Variants in EXOC4 observed in about 807,000 individuals in gnomAD.
EXOC4 encodes SEC8-like 1.
In EXOC4, 71 loss-of-function variants were observed where a neutral mutation model predicts 107.2. The ratio of observed to expected loss-of-function variants is 0.66; its 90% CI spans 0.55 to 0.81. The LOEUF (loss-of-function observed/expected upper bound fraction) is 0.81, where lower values mean the gene tolerates loss of function less well. Ranked by LOEUF, EXOC4 falls within the 30% of genes least tolerant of loss-of-function variation. EXOC4 has a pLI of 0.00. For synonymous variants in EXOC4, 456 were observed against 441.2 expected (o/e 1.03, Z -0.42); for missense variants, 1,108 against 1,189.6 (o/e 0.93, Z 1.01).
chr7:133,460,434 A>C (rs563201648), intron 7 of EXOC4, among the ~76,000 whole-genome samples: 3 of 152,348 alleles, frequency 2.0e-5, no homozygotes, highest in South Asian at 4.1e-4. Flanking sequence ...TTAAACCAGC[A>C]GTGCAGTTCA....
chr7:133,831,561 A>AT (rs55833548), intron 11 of EXOC4, among the ~76,000 whole-genome samples: 141,838 of 146,598 alleles, frequency 0.97, 68,625 homozygotes, highest in East Asian at 0.99. Context: ...CATCTTTGTG[A>AT]TTTTTTTTTT....
intron 11 of EXOC4, among the ~76,000 whole-genome samples, chr7:133,841,570 A>C (rs1253111208): frequency 6.6e-6 from 1 of 152,150 alleles, no homozygotes; most frequent in Admixed American, 6.5e-5. Flanking sequence ...CTCCTTCCTC[A>C]GATAGGTACA....
chr7:134,021,677 A>G lies in EXOC4; in HGVS notation c.2687+13842A>G, dbSNP rs184616002. On this transcript the variant is annotated intron_variant, in intron 17 of 17. Coordinates refer to ENST00000253861, the MANE Select transcript of EXOC4 (RefSeq NM_021807.4). The stretch of plus-strand genomic sequence containing the variant: ...CTACATGTTTAAATTCTTCCAAAGA[A>G]TTGTGCACCTTCTGTTTTTCTCAGT... Among the ~76,000 whole-genome samples the G allele has an allele frequency of 4.9e-3, 733 of 148,870 alleles. 6 individuals carry two copies. Among genetic ancestry groups the G allele is most frequent in the Non-Finnish European group, 5.7e-3 (383 of 67,290 alleles).
intron 9 of EXOC4, chr7:133,602,048 T>C (rs1438340604): frequency 6.6e-6 from 1 of 152,244 alleles, no homozygotes. Flanking sequence ...CTATATAACC[T>C]CAGTTGGGTG....
intron 17 of EXOC4, among the ~76,000 whole-genome samples, chr7:134,011,459 C>G (rs1222420117): frequency 1.3e-5 from 2 of 152,120 alleles, no homozygotes; most frequent in Non-Finnish European, 2.9e-5. Context: ...ACTTCCTGCT[C>G]TCCTCCTTCA....
chr7:133,752,015 T>TA (rs1446670388), intron 10 of EXOC4, among the ~76,000 whole-genome samples: 34 of 105,546 alleles, frequency 3.2e-4, no homozygotes, highest in Non-Finnish European at 6.1e-4. Flanking sequence ...ATAAATAAAT[T>TA]ATCTGGGCAC....
At chr7:133,855,079 C>CTAAATATATATATATA (rs1798325131) in intron 11 of EXOC4, among the ~76,000 whole-genome samples, 14 of 43,738 alleles carry the variant, frequency 3.2e-4, no homozygotes, top group African/African-American at 2.1e-3. Context: ...CTAAATATAT[C>CTAAATATATATATATA]TAAATATATA....
intron 7 of EXOC4, among the ~76,000 whole-genome samples, chr7:133,420,070 C>G (rs1290572314): frequency 6.8e-6 from 1 of 147,306 alleles, no homozygotes; most frequent in Non-Finnish European, 1.5e-5. Flanking sequence ...GCTGCACCCA[C>G]TAACTCGTCA....
At chr7:133,853,395 C>T (rs551755071) in intron 11 of EXOC4, among the ~76,000 whole-genome samples, 122 of 124,472 alleles carry the variant, frequency 9.8e-4, no homozygotes, top group African/African-American at 3.8e-3. Flanking sequence ...CACACACACA[C>T]ACAACTTTTT....
At chr7:133,926,832 A>T (rs1239960176) in intron 13 of EXOC4, among the ~76,000 whole-genome samples, 1 of 152,200 alleles carries the variant, frequency 6.6e-6, no homozygotes, top group African/African-American at 2.4e-5. Context: ...CTGGAGAATC[A>T]AATGAGTGGT....
At chr7:133,796,305 A>G (rs940678725) in intron 10 of EXOC4, among the ~76,000 whole-genome samples, 9 of 152,124 alleles carry the variant, frequency 5.9e-5, no homozygotes, top group Non-Finnish European at 8.8e-5. Flanking sequence ...GTGAATACCA[A>G]TCTGATATAC....
chr7:133,600,151 C>T lies in EXOC4; in HGVS notation c.1418-29894C>T, dbSNP rs373240183. ...TCCTGGCCTCAAGAAATCTGTTGGC[C>T]TTGGCCTCCCGAAGTGCTGAGATAA... On this transcript the variant is annotated intron_variant, in intron 9 of 17. Transcript: ENST00000253861. Among the ~76,000 whole-genome samples, 29 of 152,180 alleles carry T rather than the reference C, an allele frequency of 1.9e-4. 1 individual carries two copies. In the East Asian group the frequency reaches 4.1e-3, roughly 21 times the overall value.
intron 17 of EXOC4, among the ~76,000 whole-genome samples, chr7:134,044,204 G>A (rs927166358): frequency 2.0e-5 from 3 of 152,168 alleles, no homozygotes; most frequent in Non-Finnish European, 4.4e-5. Context: ...CCAATATCCA[G>A]GTCATGAGAG....
chr7:133,950,161 T>C (rs979403704), intron 14 of EXOC4, among the ~76,000 whole-genome samples: 1 of 152,166 alleles, frequency 6.6e-6, no homozygotes, highest in Admixed American at 6.5e-5. Flanking sequence ...AGAACTATTA[T>C]ATTATAGAAC....
At chr7:133,403,764 T>TA (rs1265406650) in intron 7 of EXOC4, among the ~76,000 whole-genome samples, 1 of 152,096 alleles carries the variant, frequency 6.6e-6, no homozygotes, top group African/African-American at 2.4e-5. Context: ...ATCCCATCTC[T>TA]AAAAAATTTT....
intron 10 of EXOC4, among the ~76,000 whole-genome samples, chr7:133,643,357 A>G (rs1476365959): frequency 6.6e-6 from 1 of 152,138 alleles, no homozygotes; most frequent in African/African-American, 2.4e-5. Context: ...TTCTAGCCGC[A>G]CTAGCAGCTG....
rs1168737569 is a variant in EXOC4, at chr7:133,464,057, A to G, written c.1183-11271A>G. On this transcript the variant is annotated intron_variant, in intron 7 of 17. Coordinates refer to ENST00000253861, the MANE Select transcript of EXOC4 (RefSeq NM_021807.4). ...ATATATACTTACTGGAATATATTAG[A>G]AAAGAAACAGATTTCTGAGCCTTAT... Among the ~76,000 whole-genome samples, 4 of 152,230 alleles carry G rather than the reference A, an allele frequency of 2.6e-5. No individual in the cohort carries two copies. The South Asian group carries it at 6.2e-4, about 24-fold the overall frequency.
At chr7:133,836,703 G>C (rs981250735) in intron 11 of EXOC4, among the ~76,000 whole-genome samples, 1 of 151,870 alleles carries the variant, frequency 6.6e-6, no homozygotes, top group African/African-American at 2.4e-5. Flanking sequence ...TGTCCAGAAT[G>C]CTGTCTGAAA....
At chr7:133,573,345 T>C (rs1801063319) in intron 9 of EXOC4, among the ~76,000 whole-genome samples, 1 of 152,184 alleles carries the variant, frequency 6.6e-6, no homozygotes, top group East Asian at 1.9e-4. Context: ...TGGGCACCAG[T>C]GCAGATAAAC....
Sources: allele counts gnomAD v4.1 joint callset (sites outside exome capture counted in the v4.1 genomes callset), GRCh38; gene constraint gnomAD v4.1.1; transcripts MANE v1.5; gene names NCBI Gene and HGNC (gene_info 2026-07-23, HGNC 2026-07-21).